Variants in LARP1B observed in about 807,000 individuals in gnomAD.
LARP1B encodes la-related protein 1B.
Under a neutral mutation model 114.2 loss-of-function variants are expected in LARP1B, and 76 were observed. The ratio of observed to expected loss-of-function variants is 0.67; its 90% CI spans 0.55 to 0.81. LARP1B has a LOEUF of 0.81. Among genes scored for constraint, LARP1B ranks in the 30% least tolerant of loss-of-function variants. The pLI, the probability that LARP1B is intolerant of heterozygous loss-of-function variation, is 0.00. For missense variants in LARP1B, 1,014 were observed against 1,075.8 expected (o/e 0.94, Z 0.80); for synonymous variants, 345 against 348.0 (o/e 0.99, Z 0.10).
chr4:128,070,824 G>T (rs1234735943), intron 1 of LARP1B, among the ~76,000 whole-genome samples: 1 of 151,538 alleles, frequency 6.6e-6, no homozygotes, highest in East Asian at 1.9e-4. Context: ...CTAAGGAGTG[G>T]TCCTAAATAT....
intron 10 of LARP1B, among the ~76,000 whole-genome samples, chr4:128,118,880 T>A (rs570715249): frequency 1.1e-5 from 1 of 89,712 alleles, no homozygotes; most frequent in Admixed American, 1.5e-4. Flanking sequence ...GATTCCACAG[T>A]CTTTTTTTTT....
intron 5 of LARP1B, among the ~76,000 whole-genome samples, chr4:128,090,414 T>C (rs537488580): frequency 5.9e-5 from 9 of 152,292 alleles, no homozygotes; most frequent in Admixed American, 5.2e-4. Flanking sequence ...GTTTTCTGTA[T>C]TTATTGTCCA....
At position 128,219,796 on chromosome 4, in the gene LARP1B, AAAATAAAT is replaced by A. The variant is rs368581014; in HGVS notation, n.849-530_849-523del. 8.8e-3 allele frequency among the ~76,000 whole-genome samples: 1,304 copies of A among 148,020 alleles called. 15 individuals are homozygous for A. Among genetic ancestry groups the A allele is most frequent in the African/African-American group, 0.028 (1,134 of 40,080 alleles). On this transcript the variant is annotated intron_variant and non_coding_transcript_variant, in intron 6 of 7. Transcript: ENST00000503725. The stretch of plus-strand genomic sequence containing the variant: ...TGTACCCTAAAACTTAAAGTATAAT[AAAATAAAT>A]AAATAAATAAATAAATAAATAAATA...
At chr4:128,208,957 A>G (rs1758330461) in intron 19 of LARP1B, among the ~76,000 whole-genome samples, 1 of 152,190 alleles carries the variant, frequency 6.6e-6, no homozygotes, top group Non-Finnish European at 1.5e-5. Context: ...CTGGAATAGG[A>G]GTTTAGGATT....
rs56753518 is a variant in LARP1B, at chr4:128,156,863, TAAA to T, written c.1525-5308_1525-5306del. Among the ~76,000 whole-genome samples the T allele has an allele frequency of 1.0e-2, 807 of 80,782 alleles. 1 individual carries two copies. Among genetic ancestry groups the T allele is most frequent in the Middle Eastern group, 0.026 (2 of 78 alleles). The allele number at this position is 80,782 out of a possible 152,430, so 53.0% of individuals were successfully genotyped here. The stretch of plus-strand genomic sequence containing the variant: ...CAAAATGGAATAAAAGGCTTGAAGC[TAAA>T]AAAAAAAAAAAAAAAAAAAAAACTG... On this transcript the variant is annotated intron_variant, in intron 11 of 19. Transcript: ENST00000326639.
chr4:128,176,074 G>A (rs2150608607), intron 12 of LARP1B, among the ~76,000 whole-genome samples: 1 of 146,484 alleles, frequency 6.8e-6, no homozygotes, highest in Admixed American at 6.9e-5. Context: ...CTCTAGGATT[G>A]TCTCTGTCTC....
chr4:128,112,611 T>C (rs1784502363), intron 9 of LARP1B, among the ~76,000 whole-genome samples: 1 of 151,446 alleles, frequency 6.6e-6, no homozygotes, highest in Admixed American at 6.6e-5. Context: ...GTAGTTGGGA[T>C]TACAGGCACC....
intron 11 of LARP1B, among the ~76,000 whole-genome samples, chr4:128,150,537 T>C (rs1242037576): frequency 6.6e-6 from 1 of 152,052 alleles, no homozygotes; most frequent in Non-Finnish European, 1.5e-5. Flanking sequence ...AAGTAATCCT[T>C]CCACATCAGC....
intron 11 of LARP1B, among the ~76,000 whole-genome samples, chr4:128,139,437 G>A (rs1033201822): frequency 4.6e-5 from 7 of 152,110 alleles, no homozygotes; most frequent in African/African-American, 1.7e-4. Context: ...GTGCTGTAGT[G>A]TGTGATGATC....
At chr4:128,221,272 C>T (rs1012381968) in intron 7 of LARP1B, among the ~76,000 whole-genome samples, 8 of 152,004 alleles carry the variant, frequency 5.3e-5, no homozygotes, top group Non-Finnish European at 1.2e-4. Context: ...TGAAACTGAG[C>T]ATTTTATTTA....
At chr4:128,159,929 T>C (rs1737653486) in intron 11 of LARP1B, among the ~76,000 whole-genome samples, 1 of 152,252 alleles carries the variant, frequency 6.6e-6, no homozygotes, top group African/African-American at 2.4e-5. Flanking sequence ...TATAGGAATT[T>C]GTTTGTAATA....
At chr4:128,159,783 C>T (rs1392411219) in intron 11 of LARP1B, among the ~76,000 whole-genome samples, 1 of 152,152 alleles carries the variant, frequency 6.6e-6, no homozygotes, top group Non-Finnish European at 1.5e-5. Context: ...TAGGTACAGC[C>T]ACTGTGAAAA....
At chr4:128,122,410 A>G in intron 11 of LARP1B, 1 of 1,489,896 alleles carries the variant, frequency 6.7e-7, no homozygotes, top group Admixed American at 2.3e-5. Context: ...TTACAAAAGA[A>G]AATTAGTACT....
At chr4:128,174,844 G>A (rs1745238178) in intron 12 of LARP1B, among the ~76,000 whole-genome samples, 1 of 152,000 alleles carries the variant, frequency 6.6e-6, no homozygotes, top group Non-Finnish European at 1.5e-5. Flanking sequence ...AATTTTTACA[G>A]CACCATTAAT....
intron 11 of LARP1B, among the ~76,000 whole-genome samples, chr4:128,160,695 T>C (rs1399331023): frequency 6.6e-6 from 1 of 152,236 alleles, no homozygotes; most frequent in Non-Finnish European, 1.5e-5. Flanking sequence ...TAGCAAGCTC[T>C]GTAGCAAGAT....
intron 12 of LARP1B, among the ~76,000 whole-genome samples, chr4:128,172,419 G>T (rs1230029590): frequency 6.6e-6 from 1 of 152,164 alleles, no homozygotes; most frequent in East Asian, 1.9e-4. Context: ...TAGGCTGGGT[G>T]TGGCAGCTCA....
intron 7 of LARP1B, among the ~76,000 whole-genome samples, chr4:128,097,267 A>T (rs1439879299): frequency 6.6e-6 from 1 of 151,894 alleles, no homozygotes; most frequent in Non-Finnish European, 1.5e-5. Flanking sequence ...CAAAATATAT[A>T]TGTGCACATA....
intron 9 of LARP1B, among the ~76,000 whole-genome samples, chr4:128,109,897 A>T (rs1011765461): frequency 6.6e-6 from 1 of 151,532 alleles, no homozygotes; most frequent in Admixed American, 6.6e-5. Flanking sequence ...TGGAGAGTTC[A>T]GTTGATATTT....
At chr4:128,081,750 T>G (rs951620768) in intron 4 of LARP1B, among the ~76,000 whole-genome samples, 1 of 152,170 alleles carries the variant, frequency 6.6e-6, no homozygotes, top group Non-Finnish European at 1.5e-5. Flanking sequence ...TGAACTAAGA[T>G]TCTATCTTGG....
Sources: gnomAD v4.1 joint callset for allele counts (sites outside exome capture counted in the v4.1 genomes callset) on GRCh38, gnomAD v4.1.1 for gene constraint, MANE v1.5 for transcripts, NCBI Gene and HGNC (gene_info 2026-07-23, HGNC 2026-07-21) for gene names.